SUMF1: variants seen among roughly 807,000 people sequenced by gnomAD.
SUMF1 encodes the protein formylglycine-generating enzyme.
In SUMF1, 48 loss-of-function variants were observed where a neutral mutation model predicts 47.6. That is an observed-to-expected ratio of 1.01 (90% CI 0.80 to 1.28). The LOEUF (loss-of-function observed/expected upper bound fraction) is 1.28. Ranked by LOEUF, SUMF1 falls within the 50% of genes most tolerant of loss-of-function variation. The probability of loss-of-function intolerance (pLI) is 0.00; values close to 1 mark genes in which losing one functional copy is unlikely to be tolerated. For missense variants in SUMF1, 571 were observed against 485.4 expected, an observed-to-expected ratio of 1.18 and a Z score of -1.66; for synonymous variants, 230 against 192.1, an observed-to-expected ratio of 1.20 and a Z score of -1.63.
At position 4,338,616 on chromosome 3, in the gene SUMF1, C is replaced by A. The variant is rs550483178; in HGVS notation, c.1014+37714G>T. Among the ~76,000 whole-genome samples the A allele has an allele frequency of 2.0e-5, 3 of 152,184 alleles. No individual in the cohort carries two copies. The East Asian group carries it at 5.8e-4, about 29-fold the overall frequency. On this transcript the variant is annotated intron_variant and NMD_transcript_variant, in intron 8 of 12. Transcript: ENST00000448413. The stretch of plus-strand genomic sequence containing the variant: ...CTGTTACATTCTGGAGAAATCAGGA[C>A]GCAAAGCAATTTTCATTCTCAAAGA...
At chr3:4,162,838 T>C (rs916185906) in intron 8 of SUMF1, among the ~76,000 whole-genome samples, 1 of 151,858 alleles carries the variant, frequency 6.6e-6, no homozygotes, top group Admixed American at 6.6e-5. Context: ...GTTGTTAAGT[T>C]TGGTGTTCCT....
intron 3 of SUMF1, 28 bp from the exon 4 acceptor site, chr3:4,420,174 T>C: frequency 6.3e-7 from 1 of 1,583,062 alleles, no homozygotes; most frequent in Non-Finnish European, 8.7e-7. Flanking sequence ...CAGGCTGATG[T>C]TAGCTACTAA....
intron 1 of SUMF1, among the ~76,000 whole-genome samples, chr3:4,454,196 C>T (rs1703075590): frequency 6.6e-6 from 1 of 152,154 alleles, no homozygotes; most frequent in Non-Finnish European, 1.5e-5. Context: ...TACTTTGTTC[C>T]TATCTACCTT....
intron 8 of SUMF1, among the ~76,000 whole-genome samples, chr3:4,077,814 A>C (rs928247380): frequency 1.4e-4 from 21 of 152,182 alleles, no homozygotes; most frequent in Non-Finnish European, 2.8e-4. Flanking sequence ...ATAAAAAAAA[A>C]CTGGCATTAA....
At chr3:4,082,247 C>G (rs143466260) in intron 8 of SUMF1, among the ~76,000 whole-genome samples, 1 of 151,958 alleles carries the variant, frequency 6.6e-6, no homozygotes, top group Non-Finnish European at 1.5e-5. Context: ...GTGGGCAGAT[C>G]GCTTGAGCTC....
chr3:4,036,465 G>T (rs1305210155), intron 9 of SUMF1, among the ~76,000 whole-genome samples: 1 of 151,920 alleles, frequency 6.6e-6, no homozygotes, highest in East Asian at 1.9e-4. Flanking sequence ...GAGGGCAGAG[G>T]CCAAAAAGAA....
intron 8 of SUMF1, among the ~76,000 whole-genome samples, chr3:4,363,899 T>A (rs538107152): frequency 6.9e-6 from 1 of 145,282 alleles, no homozygotes; most frequent in African/African-American, 2.6e-5. Flanking sequence ...ATACATCCCA[T>A]CAATACCTAA....
chr3:4,323,406 T>C (rs187645805), intron 8 of SUMF1, among the ~76,000 whole-genome samples: 5 of 152,326 alleles, frequency 3.3e-5, no homozygotes, highest in East Asian at 3.9e-4. Context: ...AGGGATTGAC[T>C]GCTAACACCA....
intron 8 of SUMF1, chr3:4,068,806 T>C (rs1038119970): frequency 2.7e-5 from 6 of 221,420 alleles, no homozygotes; most frequent in African/African-American, 1.4e-4. Context: ...GTAATATTTA[T>C]TTATTTGTCA....
intron 9 of SUMF1, among the ~76,000 whole-genome samples, chr3:4,054,913 G>A (rs1386438209): frequency 1.3e-5 from 2 of 152,130 alleles, no homozygotes; most frequent in African/African-American, 4.8e-5. Flanking sequence ...AGAAAATTGA[G>A]ACTGAGAAAT....
In SUMF1 at chr3:4,417,950, T is replaced by C. The variant is rs934500130; in HGVS notation, c.725+60A>G. 73 of 1,612,766 alleles carry C rather than the reference T, an allele frequency of 4.5e-5. No individual in the cohort carries two copies. The African/African-American group carries it at 5.2e-4, about 12-fold the overall frequency. Reference sequence around the variant, plus strand: ...AAGTAAGTTCCATGGAGTTTTTTGTTGTTGTTTGTTTGTTCAAATGACCAA... The same window carrying C: ...AAGTAAGTTCCATGGAGTTTTTTGTCGTTGTTTGTTTGTTCAAATGACCAA... On this transcript the variant is annotated intron_variant, in intron 5 of 8. Coordinates refer to ENST00000272902, the MANE Select transcript of SUMF1 (RefSeq NM_182760.4).
intron 4 of SUMF1, among the ~76,000 whole-genome samples, chr3:4,419,583 T>A (rs768299118): frequency 5.3e-5 from 8 of 152,156 alleles, no homozygotes; most frequent in Admixed American, 1.3e-4. Context: ...TCTGTGGTTT[T>A]CCAGTTAGAT....
chr3:4,213,054 A>G (rs907959846), intron 8 of SUMF1, among the ~76,000 whole-genome samples: 1 of 152,158 alleles, frequency 6.6e-6, no homozygotes, highest in Non-Finnish European at 1.5e-5. Context: ...TTCAGGAAAT[A>G]CAGAGAACAC....
chr3:4,089,896 C>A (rs1023837156), intron 8 of SUMF1, among the ~76,000 whole-genome samples: 1 of 152,168 alleles, frequency 6.6e-6, no homozygotes, highest in African/African-American at 2.4e-5. Flanking sequence ...ACTGCAATCT[C>A]AGACTGGTTC....
chr3:4,243,002 G>A (rs1696577502), intron 8 of SUMF1, among the ~76,000 whole-genome samples: 1 of 151,802 alleles, frequency 6.6e-6, no homozygotes, highest in Admixed American at 6.6e-5. Flanking sequence ...TTTAGTCTTG[G>A]GAGGGTGTAT....
intron 8 of SUMF1, among the ~76,000 whole-genome samples, chr3:4,127,638 G>T (rs1014641929): frequency 6.6e-6 from 1 of 152,054 alleles, no homozygotes; most frequent in Non-Finnish European, 1.5e-5. Flanking sequence ...CCTATTGTGG[G>T]ACCTTGTGAT....
chr3:4,339,156 T>C (rs980902484), intron 8 of SUMF1, among the ~76,000 whole-genome samples: 2 of 152,182 alleles, frequency 1.3e-5, no homozygotes, highest in African/African-American at 2.4e-5. Flanking sequence ...TAATGGGCCT[T>C]AGGCTATGTT....
intron 9 of SUMF1, among the ~76,000 whole-genome samples, chr3:4,062,214 G>T (rs1262861963): frequency 6.6e-6 from 1 of 152,142 alleles, no homozygotes; most frequent in Non-Finnish European, 1.5e-5. Context: ...TTCTCACTGT[G>T]CTTGCTTTCA....
chr3:4,459,420 C>G (rs966104041), intron 1 of SUMF1, among the ~76,000 whole-genome samples: 2 of 152,034 alleles, frequency 1.3e-5, no homozygotes, highest in Non-Finnish European at 2.9e-5. Context: ...AAAAGAGAGT[C>G]ACTTAGCAAT....
Sources: allele counts gnomAD v4.1 joint callset (sites outside exome capture counted in the v4.1 genomes callset), GRCh38; gene constraint gnomAD v4.1.1; transcripts MANE v1.5; gene names NCBI Gene and HGNC (gene_info 2026-07-23, HGNC 2026-07-21).